DEFB119: variants seen among roughly 807,000 people sequenced by gnomAD.
DEFB119 encodes defensin beta 119.
DEFB119 carries 3 observed loss-of-function variants against 2.5 expected under a neutral mutation model. That is an observed-to-expected ratio of 1.19 (90% CI 0.54 to 3.07). The LOEUF is 3.07. Ranked by LOEUF, DEFB119 falls within the 30% of genes most tolerant of loss-of-function variation. The pLI is 0.03. For synonymous variants in DEFB119, 29 were observed against 33.7 expected, an observed-to-expected ratio of 0.86 and a Z score of 0.48; for missense variants, 113 against 101.1, an observed-to-expected ratio of 1.12 and a Z score of -0.50.
At chr20:31,388,855 G>T in intron 1 of DEFB119, 2 of 1,208,322 alleles carry the variant, frequency 1.7e-6, no homozygotes, top group Non-Finnish European at 2.3e-6. Context: ...TCACACCATC[G>T]CTATGACCCA....
chr20:31,385,748 T>TAGTC (rs1445733406), intron 1 of DEFB119, among the ~76,000 whole-genome samples: 1 of 151,966 alleles, frequency 6.6e-6, no homozygotes, highest in Non-Finnish European at 1.5e-5. Flanking sequence ...CGCACACGTG[T>TAGTC]AGTCCCAGCT....
chr20:31,380,555 C>T (rs570936614), intron 1 of DEFB119, among the ~76,000 whole-genome samples: 122 of 152,250 alleles, frequency 8.0e-4, no homozygotes, highest in African/African-American at 2.8e-3. Context: ...TGTGAGCCAC[C>T]ACGCCTGGCG....
intron 1 of DEFB119, chr20:31,389,338 A>G (rs1568733070): frequency 3.5e-6 from 5 of 1,436,314 alleles, no homozygotes; most frequent in Non-Finnish European, 4.8e-6. Flanking sequence ...GAAGAAAGCC[A>G]GCTGAGTGAG....
chr20:31,387,732 C>T (rs1434472178), intron 1 of DEFB119, among the ~76,000 whole-genome samples: 1 of 152,140 alleles, frequency 6.6e-6, no homozygotes, highest in Non-Finnish European at 1.5e-5. Flanking sequence ...CCCTGCAGCT[C>T]CTTGAAGCAG....
intron 1 of DEFB119, among the ~76,000 whole-genome samples, chr20:31,388,581 G>GGGGCT (rs1191246256): frequency 6.6e-6 from 1 of 152,120 alleles, no homozygotes; most frequent in Non-Finnish European, 1.5e-5. Context: ...TCTAACCCCT[G>GGGGCT]GGGCTGGGCC....
At chr20:31,390,287 T>G in intron 1 of DEFB119, 136 bp downstream of exon 1, 6 of 820,634 alleles carry the variant, frequency 7.3e-6, no homozygotes, top group Non-Finnish European at 1.0e-5. Flanking sequence ...GATATTAACT[T>G]GAGATGATCC....
chr20:31,380,391 G>A lies in DEFB119; in HGVS notation c.62-2952C>T, dbSNP rs139190240. Among the ~76,000 whole-genome samples, 564 of 151,938 alleles carry A rather than the reference G, an allele frequency of 3.7e-3. 2 individuals are homozygous for A. Among genetic ancestry groups the A allele is most frequent in the African/African-American group, 0.013 (541 of 41,460 alleles). ...AGCGATCTTCCCACCTTAGCCTCTCGAATAGCTGGGAACTAGAGGCACAGT... is the reference window on the plus strand; with the variant it reads ...AGCGATCTTCCCACCTTAGCCTCTCAAATAGCTGGGAACTAGAGGCACAGT... On this transcript the variant is annotated intron_variant, in intron 1 of 1. Coordinates refer to ENST00000376321, the MANE Select transcript of DEFB119 (RefSeq NM_153289.4).
intron 1 of DEFB119, among the ~76,000 whole-genome samples, chr20:31,388,628 A>G (rs1262793086): frequency 6.6e-6 from 1 of 152,152 alleles, no homozygotes. Context: ...GTTTCTCTAG[A>G]ACCCCAAGGA....
intron 1 of DEFB119, among the ~76,000 whole-genome samples, chr20:31,377,766 G>A (rs1986356191): frequency 6.6e-6 from 1 of 152,064 alleles, no homozygotes; most frequent in South Asian, 2.1e-4. Flanking sequence ...TTGCCTCATC[G>A]ATTCCAGACT....
In DEFB119 at chr20:31,377,306, A is replaced by T; in HGVS notation, c.195T>A (p.Ile65=). The T allele has an allele frequency of 6.2e-7, 1 of 1,614,078 alleles. No individual in the cohort carries two copies. The highest frequency in any genetic ancestry group is 8.5e-7 in the Non-Finnish European group (1 of 1,179,980). Reference sequence around the variant, plus strand: ...AGTCGGTATTTTCCTCTTTGCCAGAAATGCTTATCCTCATGTAGGACTGGA... The same window carrying T: ...AGTCGGTATTTTCCTCTTTGCCAGATATGCTTATCCTCATGTAGGACTGGA... ...CCLQSYMRIS[I]SGKEENTDWS... The change falls in exon 2 of 2, where the codon ATT becomes ATA. Residue 65 remains isoleucine (I), a synonymous_variant. Coordinates refer to ENST00000376321, the MANE Select transcript of DEFB119 (RefSeq NM_153289.4).
chr20:31,377,519 AC>A (rs2122282266), intron 1 of DEFB119, 80 bp from the exon 2 acceptor site: 7 of 1,465,418 alleles, frequency 4.8e-6, no homozygotes, highest in Non-Finnish European at 6.5e-6. Flanking sequence ...CATCATAAAA[AC>A]CTAAAGGGGG....
chr20:31,389,034 A>C (rs1393784470), intron 1 of DEFB119: 1 of 1,613,922 alleles, frequency 6.2e-7, no homozygotes, highest in African/African-American at 1.3e-5. Context: ...TCTATCTATT[A>C]GTTATATTTG....
intron 1 of DEFB119, among the ~76,000 whole-genome samples, chr20:31,389,666 A>G (rs1986851229): frequency 6.6e-6 from 1 of 152,050 alleles, no homozygotes; most frequent in South Asian, 2.1e-4. Flanking sequence ...CATAAGCCCA[A>G]CAAGCCTCAG....
chr20:31,387,980 T>C, intron 1 of DEFB119: 9 of 811,684 alleles, frequency 1.1e-5, no homozygotes, highest in Non-Finnish European at 1.3e-5. Context: ...CTTCTGTCTG[T>C]CTCTATGCCA....
chr20:31,380,123 G>T (rs1005336095), intron 1 of DEFB119, among the ~76,000 whole-genome samples: 44 of 152,102 alleles, frequency 2.9e-4, no homozygotes, highest in Non-Finnish European at 8.8e-5. Context: ...TTGAGTAAGT[G>T]CAATTTATTG....
intron 1 of DEFB119, among the ~76,000 whole-genome samples, chr20:31,381,146 C>G (rs893976427): frequency 1.4e-4 from 22 of 152,180 alleles, no homozygotes; most frequent in Non-Finnish European, 2.5e-4. Context: ...ATTAGATGTA[C>G]ACTTAAGTGT....
Position 31,378,537 on chromosome 20 carries a change from GAC to G in DEFB119, c.62-1100_62-1099del. ...AAATCTTAACTTTAATGAAAAAAAA[GAC>G]AATCAACAGAACTGAGAGCAACCCA... is the stretch of plus-strand genomic sequence containing the variant. On this transcript the variant is annotated intron_variant, in intron 1 of 1. Transcript: ENST00000376321. 2.3e-6 allele frequency: 3 copies of G among 1,325,800 alleles called. No individual in the cohort carries two copies. The South Asian group carries it at 4.4e-5, about 19-fold the overall frequency. The allele number at this position is 1,325,800 out of a possible 1,614,324, so 82.1% of individuals were successfully genotyped here. A position where few individuals can be genotyped will look rare whatever the true frequency, so the allele number is the denominator to read the frequency against.
intron 1 of DEFB119, chr20:31,388,458 A>C (rs556913836): frequency 2.9e-5 from 7 of 244,692 alleles, no homozygotes; most frequent in Non-Finnish European, 2.0e-5. Flanking sequence ...GGCAGAGCTG[A>C]AGTGAATATG....
intron 1 of DEFB119, among the ~76,000 whole-genome samples, chr20:31,386,810 CTTTTTTTTTT>C (rs148428945): frequency 1.8e-5 from 2 of 108,904 alleles, no homozygotes; most frequent in Non-Finnish European, 3.5e-5. Context: ...TTTTCTTTTT[CTTTTTTTTTT>C]TTTTTTTTTT....
Sources: allele counts gnomAD v4.1 joint callset (sites outside exome capture counted in the v4.1 genomes callset), GRCh38; gene constraint gnomAD v4.1.1; transcripts MANE v1.5; gene names NCBI Gene and HGNC (gene_info 2026-07-23, HGNC 2026-07-21).